The following SYTL5 variants were observed in gnomAD, a reference collection of about 807,000 sequenced individuals.
SYTL5 encodes synaptotagmin-like protein 5.
SYTL5 carries 34 observed loss-of-function variants against 55.9 expected under a neutral mutation model. The ratio of observed to expected loss-of-function variants is 0.61; its 90% CI spans 0.46 to 0.81. The LOEUF is 0.81. Among genes scored for constraint, SYTL5 ranks in the 30% least tolerant of loss-of-function variants. The pLI is 0.00. For synonymous variants in SYTL5, 221 were observed against 188.7 expected (o/e 1.17, Z -1.40); for missense variants, 637 against 546.7 (o/e 1.17, Z -1.65).
chrX:37,991,652 A>G, the SYTL5 span, among the ~76,000 whole-genome samples: 4 of 111,630 alleles, frequency 3.6e-5, no homozygotes, highest in Admixed American at 9.5e-5. Flanking sequence ...ACTGAGGTGC[A>G]GGAGGCTTTA....
intron 1 of SYTL5, among the ~76,000 whole-genome samples, chrX:38,018,668 G>C (rs1172888636): frequency 9.0e-6 from 1 of 111,216 alleles, no homozygotes; most frequent in Non-Finnish European, 1.9e-5. Context: ...AGGCTCTCTG[G>C]AGATAGACAC....
chrX:37,907,962 A>C, the SYTL5 span, among the ~76,000 whole-genome samples: 1 of 110,691 alleles, frequency 9.0e-6, no homozygotes, highest in Non-Finnish European at 1.9e-5. Flanking sequence ...GTAATACTAC[A>C]GAAGTTTAGC....
At chrX:38,113,326 G>T (rs757840320) in intron 13 of SYTL5, among the ~76,000 whole-genome samples, 118 of 112,148 alleles carry the variant, frequency 1.1e-3, no homozygotes, top group Non-Finnish European at 2.0e-3. Flanking sequence ...AAGCTTACGT[G>T]GTTTTCCAAG....
At chrX:38,004,189 C>T (rs1268176712), upstream of SYTL5, among the ~76,000 whole-genome samples, 1 of 111,560 alleles carries the variant, frequency 9.0e-6, no homozygotes, top group African/African-American at 3.3e-5. Context: ...AGCTTCTTAA[C>T]TTGATGTGAT....
At chrX:38,093,562 G>T (rs1158098261) in intron 7 of SYTL5, among the ~76,000 whole-genome samples, 2 of 110,835 alleles carry the variant, frequency 1.8e-5, no homozygotes, top group African/African-American at 6.6e-5. Flanking sequence ...GACAAAGTTG[G>T]GTCTATGGTC....
intron 5 of SYTL5, among the ~76,000 whole-genome samples, chrX:38,076,094 T>C (rs904424468): frequency 8.9e-6 from 1 of 111,892 alleles, no homozygotes; most frequent in Non-Finnish European, 1.9e-5. Context: ...CCAGGCATCA[T>C]TCTAGGCTCT....
At chrX:38,056,292 G>T (rs1935780078) in intron 3 of SYTL5, among the ~76,000 whole-genome samples, 1 of 111,939 alleles carries the variant, frequency 8.9e-6, no homozygotes, top group Non-Finnish European at 1.9e-5. Context: ...CAAATGAGTG[G>T]ATCTCATTCC....
the SYTL5 span, among the ~76,000 whole-genome samples, chrX:37,992,316 T>C: frequency 8.9e-6 from 1 of 112,676 alleles, no homozygotes; most frequent in South Asian, 3.6e-4. Context: ...ACATTTTAGG[T>C]TTCCACCTCT....
chrX:37,915,844 C>T, the SYTL5 span, among the ~76,000 whole-genome samples: 1 of 110,973 alleles, frequency 9.0e-6, no homozygotes, highest in Non-Finnish European at 1.9e-5. Flanking sequence ...CTAAGCAAAG[C>T]AAAGGAAACT....
At chrX:37,993,693 C>T in the SYTL5 span, among the ~76,000 whole-genome samples, 1 of 112,359 alleles carries the variant, frequency 8.9e-6, no homozygotes, top group South Asian at 3.7e-4. Context: ...AGGCAGTGAA[C>T]ATGTCTGTAA....
At chrX:37,941,527 C>T in the SYTL5 span, among the ~76,000 whole-genome samples, 1 of 25,136 alleles carries the variant, frequency 4.0e-5, no homozygotes, top group Admixed American at 8.8e-4. Flanking sequence ...GCTACTATTA[C>T]TCTCTGTCTG....
Position 38,034,008 on chromosome X carries a change from G to T in SYTL5, c.119G>T (p.Arg40Met). 9.3e-7 allele frequency: 1 copy of T among 1,079,726 alleles called. No individual in the cohort carries two copies. Among genetic ancestry groups the T allele is most frequent in the Non-Finnish European group, 1.3e-6 (1 of 792,619 alleles). 89.0% of individuals were successfully genotyped at this position (1,079,726 alleles called of 1,213,427 possible). Residue 40 changes from arginine to methionine, a missense_variant and splice_region_variant, in exon 2 of 17, where the codon AGG (arginine) becomes ATG (methionine). Arg to Met is a moderately conservative substitution (Grantham distance 91). Transcript: ENST00000297875. ...AAAAAAGTGGAGGACAAGAGAATAA[G>T]GTAGTATTCTTTTTATTTTTTCAGT... The part of the protein sequence containing the change: ...YLKKVEDKRI[R>M]KLKNELLEAK...
At chrX:37,965,734 G>A in the SYTL5 span, among the ~76,000 whole-genome samples, 17 of 111,781 alleles carry the variant, frequency 1.5e-4, no homozygotes, top group African/African-American at 5.5e-4. Flanking sequence ...TTGTATTGCT[G>A]TCTATTTTTC....
the SYTL5 span, among the ~76,000 whole-genome samples, chrX:37,905,893 C>A: frequency 8.8e-6 from 1 of 113,100 alleles, no homozygotes; most frequent in Admixed American, 9.2e-5. Flanking sequence ...GGCTGTGAGC[C>A]CCGTGGATGG....
At chrX:38,122,573 A>G (rs1289692851) in intron 15 of SYTL5, among the ~76,000 whole-genome samples, 1 of 112,210 alleles carries the variant, frequency 8.9e-6, no homozygotes, top group Non-Finnish European at 1.9e-5. Flanking sequence ...ATATGCAACA[A>G]TCACCAAAAT....
chrX:38,102,458 G>A, intron 10 of SYTL5, 24 bp downstream of exon 10: 1 of 1,070,257 alleles, frequency 9.3e-7, no homozygotes, highest in Non-Finnish European at 1.3e-6. Context: ...TAGGACATGT[G>A]GAAAGTTTCT....
chrX:37,996,668 G>C, the SYTL5 span, among the ~76,000 whole-genome samples: 2 of 112,152 alleles, frequency 1.8e-5, no homozygotes, highest in African/African-American at 6.5e-5. Context: ...CTTTTTGTTG[G>C]CTTTACCGCA....
At chrX:37,939,992 C>A in the SYTL5 span, among the ~76,000 whole-genome samples, 9 of 109,996 alleles carry the variant, frequency 8.2e-5, no homozygotes, top group Non-Finnish European at 1.5e-4. Context: ...CCACCATGCC[C>A]AGCTAATTTT....
chrX:37,976,890 C>T, the SYTL5 span, among the ~76,000 whole-genome samples: 1 of 109,806 alleles, frequency 9.1e-6, no homozygotes, highest in Admixed American at 9.7e-5. Context: ...CGCTTGAACC[C>T]AGGAGGCAGT....
Sources: gnomAD v4.1 joint callset for allele counts (sites outside exome capture counted in the v4.1 genomes callset) on GRCh38, gnomAD v4.1.1 for gene constraint, MANE v1.5 for transcripts, NCBI Gene and HGNC (gene_info 2026-07-23, HGNC 2026-07-21) for gene names.